Variants in RCAN1 observed in about 807,000 individuals in gnomAD.
The protein encoded by RCAN1 is calcipressin-1.
In RCAN1, 11 loss-of-function variants were observed where a neutral mutation model predicts 22.9. That is an observed-to-expected ratio of 0.48 (90% CI 0.30 to 0.79). RCAN1 has a LOEUF of 0.79. RCAN1 is among the 30% of genes least tolerant of loss of function. The pLI, the probability that RCAN1 is intolerant of heterozygous loss-of-function variation, is 0.06. For missense variants in RCAN1, 291 were observed against 337.8 expected (o/e 0.86, Z 1.09); for synonymous variants, 136 against 142.3 (o/e 0.96, Z 0.32).
chr21:34,533,230 G>A (rs1015585770), intron 1 of RCAN1, among the ~76,000 whole-genome samples: 1 of 152,122 alleles, frequency 6.6e-6, no homozygotes, highest in Admixed American at 6.5e-5. Context: ...AAAGTGCTGG[G>A]ATTACAGGCG....
intron 1 of RCAN1, among the ~76,000 whole-genome samples, chr21:34,594,833 C>T (rs1125040): frequency 0.41 from 61,564 of 151,984 alleles, 12,613 homozygotes; most frequent in Admixed American, 0.46. Context: ...AAAATGGAAT[C>T]GTAACAAGCG....
intron 1 of RCAN1, among the ~76,000 whole-genome samples, chr21:34,563,586 G>A (rs1986872427): frequency 6.6e-6 from 1 of 151,518 alleles, no homozygotes; most frequent in South Asian, 2.1e-4. Flanking sequence ...GTAGGGCAGT[G>A]TATTAGTCCA....
intron 1 of RCAN1, among the ~76,000 whole-genome samples, chr21:34,530,243 T>A (rs1985306030): frequency 6.6e-6 from 1 of 152,250 alleles, no homozygotes; most frequent in Non-Finnish European, 1.5e-5. Flanking sequence ...ACTCACACCA[T>A]AAAAATCATA....
intron 1 of RCAN1, among the ~76,000 whole-genome samples, chr21:34,555,064 T>A (rs1986506930): frequency 6.6e-6 from 1 of 152,234 alleles, no homozygotes; most frequent in Non-Finnish European, 1.5e-5. Flanking sequence ...TCAGAGGGAA[T>A]GCAGAGATGT....
At chr21:34,605,924 A>AC (rs1988511305) in intron 1 of RCAN1, among the ~76,000 whole-genome samples, 2 of 120,700 alleles carry the variant, frequency 1.7e-5, no homozygotes, top group African/African-American at 3.8e-5. Flanking sequence ...GGTCTCAGAA[A>AC]AAAAAAAAAA....
In RCAN1 at chr21:34,523,576, A is replaced by G. The variant is rs1432465659; in HGVS notation, c.387T>C (p.Thr129=). Residue 129 remains threonine (T), a synonymous_variant, in exon 2 of 4, where the codon ACT becomes ACC. Transcript: ENST00000313806. ...AADARLQLHK[T]EFLGKEMKLY... is the part of the protein sequence containing the mutation. ...ACTTCATTTCCTTTCCCAGAAACTC[A>G]GTCTTATGCAGCTGGAGCCTGGCAT... 1.9e-6 allele frequency: 3 copies of G among 1,614,048 alleles called. No homozygotes were observed. The highest frequency in any genetic ancestry group is 2.5e-6 in the Non-Finnish European group (3 of 1,180,020).
At chr21:34,530,207 A>G (rs540346633) in intron 1 of RCAN1, among the ~76,000 whole-genome samples, 1 of 152,246 alleles carries the variant, frequency 6.6e-6, no homozygotes, top group African/African-American at 2.4e-5. Flanking sequence ...GTCAACTGAG[A>G]GCTTTAGAAG....
chr21:34,568,731 G>C (rs952984637), intron 1 of RCAN1, among the ~76,000 whole-genome samples: 19 of 152,206 alleles, frequency 1.2e-4, no homozygotes, highest in African/African-American at 4.6e-4. Context: ...GCTCTGAGAA[G>C]GCCCAGAGCC....
At chr21:34,554,326 C>A (rs1464132589) in intron 1 of RCAN1, among the ~76,000 whole-genome samples, 4 of 152,186 alleles carry the variant, frequency 2.6e-5, no homozygotes, top group Non-Finnish European at 1.5e-5. Context: ...TACCTACTAG[C>A]AAGTCATTTT....
At chr21:34,540,093 G>A (rs1985848578) in intron 1 of RCAN1, among the ~76,000 whole-genome samples, 2 of 152,146 alleles carry the variant, frequency 1.3e-5, no homozygotes. Context: ...TTTCTCCCTG[G>A]ATGACCCCTT....
intron 1 of RCAN1, among the ~76,000 whole-genome samples, chr21:34,603,970 G>A (rs1384066869): frequency 6.6e-6 from 1 of 152,204 alleles, no homozygotes; most frequent in Non-Finnish European, 1.5e-5. Flanking sequence ...TGGACAAAGT[G>A]GATGAGACAT....
Position 34,614,435 on chromosome 21 carries a change from G to C in RCAN1, c.252+325C>G, listed in dbSNP as rs979688168. Reference sequence around the variant, plus strand: ...GCGAGTAAATGCGGGGCGATGGCGAGAGCGCAGGGGGCGGCGGCGCTGCCC... The same window carrying C: ...GCGAGTAAATGCGGGGCGATGGCGACAGCGCAGGGGGCGGCGGCGCTGCCC... On this transcript the variant is annotated intron_variant, in intron 1 of 3. Transcript: ENST00000313806. The surrounding 1 kb of genome is among the most constrained non-coding windows in gnomAD (Gnocchi z 6.0). 106 of 1,007,934 alleles carry C rather than the reference G, an allele frequency of 1.1e-4. No homozygotes were observed. In the African/African-American group the frequency reaches 1.6e-3, roughly 16 times the overall value. The allele number at this position is 1,007,934 out of a possible 1,614,324, so 62.4% of individuals were successfully genotyped here.
Position 34,614,890 on chromosome 21 carries a change from T to C in RCAN1, c.122A>G (p.Glu41Gly). The change falls in exon 1 of 4, where the codon GAG (glutamate) becomes GGG (glycine). Residue 41 changes from glutamate to glycine, a missense_variant. Physicochemically the swap from Glu to Gly is moderately conservative, Grantham distance 98. Transcript: ENST00000313806. This position sits in a 1 kb window ranked among gnomAD's most constrained non-coding sequence, Gnocchi z 6.0. ...RPFAPLSGAA[E>G]ADEGGGDWSF... ...CCAGTCGCCGCCGCCCTCGTCCGCC[T>C]CGGCCGCCCCCGAGAGGGGCGCGAA... 6.9e-7 allele frequency: 1 copy of C among 1,442,590 alleles called. No individual in the cohort carries two copies. 89.4% of individuals were successfully genotyped at this position (1,442,590 alleles called of 1,614,324 possible). A position where few individuals can be genotyped will look rare whatever the true frequency, so the allele number is the denominator to read the frequency against.
At chr21:34,601,589 T>C (rs555462568) in intron 1 of RCAN1, among the ~76,000 whole-genome samples, 17 of 152,142 alleles carry the variant, frequency 1.1e-4, no homozygotes, top group South Asian at 4.2e-4. Context: ...GAGGCCAAGG[T>C]GGGCGGATCA....
chr21:34,539,194 G>A (rs1452118029), intron 1 of RCAN1, among the ~76,000 whole-genome samples: 1 of 152,102 alleles, frequency 6.6e-6, no homozygotes, highest in Non-Finnish European at 1.5e-5. Context: ...TCATGGCTGT[G>A]GGCAAACATT....
chr21:34,586,277 A>C (rs547429522), intron 1 of RCAN1, among the ~76,000 whole-genome samples: 1 of 152,340 alleles, frequency 6.6e-6, no homozygotes, highest in African/African-American at 2.4e-5. Flanking sequence ...CACATGAAAC[A>C]CTTATCAAAA....
intron 1 of RCAN1, among the ~76,000 whole-genome samples, chr21:34,611,120 G>A (rs957915694): frequency 6.6e-6 from 1 of 152,140 alleles, no homozygotes; most frequent in African/African-American, 2.4e-5. Flanking sequence ...TGGTCAGCTT[G>A]ATGATGACTG....
intron 1 of RCAN1, among the ~76,000 whole-genome samples, chr21:34,612,027 T>C (rs1988699258): frequency 6.6e-6 from 1 of 152,168 alleles, no homozygotes; most frequent in Non-Finnish European, 1.5e-5. Context: ...ATCCCCATTC[T>C]GAAGCTCCAG....
At chr21:34,605,563 C>A (rs1327383169) in intron 1 of RCAN1, among the ~76,000 whole-genome samples, 1 of 152,128 alleles carries the variant, frequency 6.6e-6, no homozygotes, top group Non-Finnish European at 1.5e-5. Context: ...CAGAGCTATC[C>A]TAGGATTGAA....
Sources: gnomAD v4.1 joint callset for allele counts (sites outside exome capture counted in the v4.1 genomes callset) on GRCh38, gnomAD v4.1.1 for gene constraint, Gnocchi (gnomAD v3.1) non-coding constraint, MANE v1.5 for transcripts, NCBI Gene and HGNC (gene_info 2026-07-23, HGNC 2026-07-21) for gene names.